Variants in FHIT observed in about 807,000 individuals in gnomAD.
FHIT encodes the protein bis(5'-adenosyl)-triphosphatase.
In FHIT, 19 loss-of-function variants were observed where a neutral mutation model predicts 17.9. That is an observed-to-expected ratio of 1.06 (90% CI 0.74 to 1.56). The LOEUF (loss-of-function observed/expected upper bound fraction) is 1.56. FHIT is among the 40% of genes most tolerant of loss of function. The pLI is 0.00. For synonymous variants in FHIT, 81 were observed against 69.7 expected (o/e 1.16, Z -0.81); for missense variants, 248 against 189.2 (o/e 1.31, Z -1.82).
At chr3:60,700,087 C>T (rs1254239036) in intron 4 of FHIT, among the ~76,000 whole-genome samples, 6 of 149,306 alleles carry the variant, frequency 4.0e-5, no homozygotes, top group East Asian at 2.0e-4. Flanking sequence ...GCCAAGATCA[C>T]GCCACTGCAC....
At chr3:60,522,899 G>A (rs2035426872) in intron 5 of FHIT, among the ~76,000 whole-genome samples, 1 of 152,150 alleles carries the variant, frequency 6.6e-6, no homozygotes, top group Non-Finnish European at 1.5e-5. Flanking sequence ...ACACACCCAA[G>A]ACTGGGTAAT....
intron 1 of FHIT, among the ~76,000 whole-genome samples, chr3:61,210,797 C>T (rs1024592200): frequency 2.6e-5 from 4 of 151,838 alleles, no homozygotes; most frequent in South Asian, 2.1e-4. Flanking sequence ...ACACACAGTG[C>T]GCTGCACCCA....
intron 8 of FHIT, among the ~76,000 whole-genome samples, chr3:59,842,163 G>T (rs1177500561): frequency 6.6e-6 from 1 of 152,126 alleles, no homozygotes; most frequent in Admixed American, 6.6e-5. Context: ...TACAGTATTT[G>T]TCTTTTAGTG....
intron 8 of FHIT, among the ~76,000 whole-genome samples, chr3:59,809,557 A>T (rs955802364): frequency 7.9e-5 from 12 of 152,230 alleles, no homozygotes; most frequent in Non-Finnish European, 1.6e-4. Flanking sequence ...ATACAATTGT[A>T]CAACCCTATT....
chr3:60,465,601 T>C (rs1440217671), intron 5 of FHIT, among the ~76,000 whole-genome samples: 2 of 152,158 alleles, frequency 1.3e-5, no homozygotes, highest in African/African-American at 2.4e-5. Context: ...TTTATTCTTC[T>C]GCATATAGAT....
intron 5 of FHIT, among the ~76,000 whole-genome samples, chr3:60,387,000 T>C (rs1183489775): frequency 6.7e-6 from 1 of 150,050 alleles, no homozygotes; most frequent in South Asian, 2.1e-4. Flanking sequence ...TCTCTGCCTT[T>C]GCCTAAGGAA....
chr3:60,941,996 T>G (rs1708429318), intron 3 of FHIT, among the ~76,000 whole-genome samples: 1 of 152,152 alleles, frequency 6.6e-6, no homozygotes, highest in Non-Finnish European at 1.5e-5. Flanking sequence ...CTGTTGTTGT[T>G]GTTGTTTTTG....
intron 4 of FHIT, among the ~76,000 whole-genome samples, chr3:60,647,938 G>C (rs1194291699): frequency 1.3e-5 from 2 of 152,158 alleles, no homozygotes; most frequent in African/African-American, 4.8e-5. Context: ...TAGTGACCCA[G>C]CAGAAATACA....
intron 7 of FHIT, among the ~76,000 whole-genome samples, chr3:59,966,258 G>T (rs1397578354): frequency 6.6e-6 from 1 of 152,122 alleles, no homozygotes; most frequent in East Asian, 1.9e-4. Flanking sequence ...TGTCCCCCAA[G>T]CATGTGGCTT....
At chr3:60,404,432 G>T (rs1166980073) in intron 5 of FHIT, among the ~76,000 whole-genome samples, 1 of 152,150 alleles carries the variant, frequency 6.6e-6, no homozygotes, top group Non-Finnish European at 1.5e-5. Flanking sequence ...GGATGTGACA[G>T]TAGCTAAGAC....
chr3:61,039,121 G>A (rs1428835102), intron 3 of FHIT, among the ~76,000 whole-genome samples: 1 of 152,112 alleles, frequency 6.6e-6, no homozygotes, highest in East Asian at 1.9e-4. Flanking sequence ...GCAAAAATCA[G>A]GAAGGCTACA....
At chr3:60,211,997 T>C (rs896602767) in intron 5 of FHIT, among the ~76,000 whole-genome samples, 3 of 152,236 alleles carry the variant, frequency 2.0e-5, no homozygotes, top group African/African-American at 7.2e-5. Context: ...ATCACATTTC[T>C]GATTTGAGAT....
At chr3:60,065,753 T>C (rs1307514802) in intron 5 of FHIT, among the ~76,000 whole-genome samples, 2 of 152,146 alleles carry the variant, frequency 1.3e-5, no homozygotes, top group East Asian at 3.9e-4. Context: ...CTAACACCTT[T>C]TTCTCCTGCC....
At chr3:59,950,836 C>A (rs779058834) in intron 7 of FHIT, among the ~76,000 whole-genome samples, 12 of 152,172 alleles carry the variant, frequency 7.9e-5, no homozygotes, top group Non-Finnish European at 1.8e-4. Flanking sequence ...ATGCTGAGTA[C>A]TCAAGAGCTC....
chr3:60,162,261 A>G (rs1239587445), intron 5 of FHIT, among the ~76,000 whole-genome samples: 1 of 152,200 alleles, frequency 6.6e-6, no homozygotes, highest in East Asian at 1.9e-4. Context: ...TCATTTTATA[A>G]TAACTTCCAA....
At chr3:60,433,610 T>C (rs2029934562) in intron 5 of FHIT, among the ~76,000 whole-genome samples, 1 of 152,072 alleles carries the variant, frequency 6.6e-6, no homozygotes, top group East Asian at 1.9e-4. Context: ...CAACAGCCCA[T>C]CCTAACAGGT....
chr3:60,709,808 T>C (rs2041470709), intron 4 of FHIT, among the ~76,000 whole-genome samples: 1 of 152,244 alleles, frequency 6.6e-6, no homozygotes, highest in South Asian at 2.1e-4. Flanking sequence ...ATTTTATCAC[T>C]ATCAACAAAT....
At chr3:61,049,822 T>C (rs1428773198) in intron 2 of FHIT, among the ~76,000 whole-genome samples, 1 of 152,118 alleles carries the variant, frequency 6.6e-6, no homozygotes, top group African/African-American at 2.4e-5. Context: ...CATGAACCAA[T>C]GGAAGGATTT....
At chr3:59,975,948 A>G (rs1188771098) in intron 7 of FHIT, among the ~76,000 whole-genome samples, 1 of 152,066 alleles carries the variant, frequency 6.6e-6, no homozygotes, top group African/African-American at 2.4e-5. Context: ...CCTCCCCTGT[A>G]CTAGAATGCT....
Sources: gnomAD v4.1 joint callset for allele counts (sites outside exome capture counted in the v4.1 genomes callset) on GRCh38, gnomAD v4.1.1 for gene constraint, MANE v1.5 for transcripts, NCBI Gene and HGNC (gene_info 2026-07-23, HGNC 2026-07-21) for gene names.